FRAS1: variants seen among roughly 807,000 people sequenced by gnomAD.
FRAS1 encodes the protein extracellular matrix organizing protein FRAS1.
A neutral mutation model predicts 435.2 loss-of-function variants in FRAS1; 290 were observed. That is an observed-to-expected ratio of 0.67 (90% CI 0.61 to 0.73). FRAS1 has a LOEUF of 0.73. Among genes scored for constraint, FRAS1 ranks in the 30% least tolerant of loss-of-function variants. The pLI is 0.00. For synonymous variants in FRAS1, 1,800 were observed against 1,851.0 expected (o/e 0.97, Z 0.71); for missense variants, 4,860 against 5,001.5 (o/e 0.97, Z 0.85).
intron 20 of FRAS1, among the ~76,000 whole-genome samples, chr4:78,355,700 T>A (rs1302739704): frequency 6.6e-6 from 1 of 152,194 alleles, no homozygotes; most frequent in Admixed American, 6.6e-5. Context: ...AATTGCAGTC[T>A]GATACAAGTT....
intron 2 of FRAS1, among the ~76,000 whole-genome samples, chr4:78,187,715 T>C (rs950628801): frequency 6.6e-6 from 1 of 152,160 alleles, no homozygotes; most frequent in Admixed American, 6.5e-5. Flanking sequence ...GCGATTCTCC[T>C]GCCTCAGCCT....
At chr4:78,483,469 C>G (rs964383717) in intron 58 of FRAS1, among the ~76,000 whole-genome samples, 2 of 152,064 alleles carry the variant, frequency 1.3e-5, no homozygotes, top group African/African-American at 4.8e-5. Flanking sequence ...CCTAAAGCAG[C>G]AGGACCCTCA....
At chr4:78,510,936 TAG>T (rs1329034847) in intron 63 of FRAS1, among the ~76,000 whole-genome samples, 1 of 152,206 alleles carries the variant, frequency 6.6e-6, no homozygotes, top group Admixed American at 6.5e-5. Context: ...CCAGTCTTGC[TAG>T]AAGCCTGAAT....
chr4:78,134,015 A>G (rs1037613578), intron 2 of FRAS1, among the ~76,000 whole-genome samples: 5 of 144,918 alleles, frequency 3.5e-5, no homozygotes, highest in Non-Finnish European at 7.4e-5. Context: ...GCTGGTGTGC[A>G]GTGGCCTGAT....
In FRAS1 at chr4:78,150,784, A is replaced by G. The variant is rs146678301; in HGVS notation, c.108+84768A>G. ...AGTGTTTGCTACAGCCGAATGATTA[A>G]CTAGAACCCTGACACTGAACCCGTA... On this transcript the variant is annotated intron_variant, in intron 2 of 73. Coordinates refer to ENST00000512123, the MANE Select transcript of FRAS1 (RefSeq NM_025074.7). Among the ~76,000 whole-genome samples the G allele has an allele frequency of 2.9e-4, 44 of 152,314 alleles. 1 individual carries two copies. The East Asian group carries it at 8.3e-3, about 29-fold the overall frequency.
At chr4:78,091,140 C>A (rs1350950554) in intron 2 of FRAS1, among the ~76,000 whole-genome samples, 2 of 151,866 alleles carry the variant, frequency 1.3e-5, no homozygotes, top group African/African-American at 4.8e-5. Flanking sequence ...ACATTTCAAT[C>A]AGTTTAGATG....
intron 2 of FRAS1, among the ~76,000 whole-genome samples, chr4:78,196,077 G>A (rs773855488): frequency 2.4e-4 from 36 of 151,658 alleles, no homozygotes; most frequent in Middle Eastern, 3.4e-3. Flanking sequence ...GCAAGATCTC[G>A]GCTCATTGCA....
chr4:78,277,975 C>A (rs1364008032), intron 9 of FRAS1, among the ~76,000 whole-genome samples: 1 of 152,066 alleles, frequency 6.6e-6, no homozygotes, highest in Non-Finnish European at 1.5e-5. Flanking sequence ...CTGCCCCCAG[C>A]AAATTTTTTG....
chr4:78,448,273 C>T lies in FRAS1; in HGVS notation c.6231C>T (p.Asp2077=). ...MKIYTELPAS[D]TPHLAINQGL... is the part of the protein sequence containing the mutation. ...TCTACACAGAACTGCCTGCAAGTGA[C>T]ACACCTCACTTGGCTATAAACCAAG... The change falls in exon 44 of 74, where the codon GAC becomes GAT. Residue 2077 remains aspartate, a synonymous_variant. Transcript: ENST00000512123. The T allele has an allele frequency of 6.2e-7, 1 of 1,612,208 alleles. No homozygotes were observed. The highest frequency in any genetic ancestry group is 8.5e-7 in the Non-Finnish European group (1 of 1,179,414).
chr4:78,360,472 T>G (rs1000840111), intron 20 of FRAS1, among the ~76,000 whole-genome samples: 1 of 151,852 alleles, frequency 6.6e-6, no homozygotes, highest in Non-Finnish European at 1.5e-5. Flanking sequence ...AAAAGAGAGA[T>G]AGGGGAAAAC....
At chr4:78,440,123 C>T (rs900848354) in intron 40 of FRAS1, among the ~76,000 whole-genome samples, 11 of 150,412 alleles carry the variant, frequency 7.3e-5, no homozygotes, top group African/African-American at 2.2e-4. Flanking sequence ...CTCCGCTTCC[C>T]GGGTTCACGC....
At chr4:78,195,185 A>G (rs1208611620) in intron 2 of FRAS1, among the ~76,000 whole-genome samples, 3 of 152,130 alleles carry the variant, frequency 2.0e-5, no homozygotes, top group Non-Finnish European at 4.4e-5. Flanking sequence ...TGCCCCTACT[A>G]GGGGGTGCCT....
chr4:78,091,876 G>GTCTATATAGCACACACTACTATA (rs2109899996), intron 2 of FRAS1, among the ~76,000 whole-genome samples: 1 of 145,736 alleles, frequency 6.9e-6, no homozygotes, highest in Non-Finnish European at 1.5e-5. Context: ...ACTGGGTATA[G>GTCTATATAGCACACACTACTATA]TAGTATGTGC....
chr4:78,437,514 T>C lies in FRAS1; in HGVS notation c.5218-1056T>C, dbSNP rs150174023. On this transcript the variant is annotated intron_variant, in intron 38 of 73. Coordinates refer to ENST00000512123, the MANE Select transcript of FRAS1 (RefSeq NM_025074.7). ...TAGTGTCAAGTGATATGAGGAAATA[T>C]GGAAAATTCAGTGATCTTGAATTGA... 5.2e-3 allele frequency among the ~76,000 whole-genome samples: 793 copies of C among 152,332 alleles called. 11 individuals are homozygous for C. The highest frequency in any genetic ancestry group is 8.5e-3 in the Non-Finnish European group (579 of 68,020).
intron 2 of FRAS1, among the ~76,000 whole-genome samples, chr4:78,156,321 ATTT>A (rs572235027): frequency 6.9e-6 from 1 of 145,544 alleles, no homozygotes; most frequent in African/African-American, 2.5e-5. Context: ...GAAAGTCCTC[ATTT>A]TTTTTTTTTT....
intron 2 of FRAS1, among the ~76,000 whole-genome samples, chr4:78,088,743 C>T (rs10856998): frequency 0.67 from 101,686 of 151,792 alleles, 35,409 homozygotes; most frequent in East Asian, 0.88. Flanking sequence ...CATCTCACAC[C>T]AGTTAGAATG....
In FRAS1 at chr4:78,430,321, A is replaced by T; in HGVS notation, c.4873A>T (p.Thr1625Ser). The stretch of plus-strand genomic sequence containing the variant: ...TCAGGTGGTAGTAAGAGATGCTGAG[A>T]CAGCGCCCAAAGAACTCTTCTTTGA... ...GLQVVVRDAE[T>S]APKELFFELR... The change falls in exon 37 of 74, where the codon ACA becomes TCA. Residue 1625 changes from threonine (T) to serine (S), a missense_variant. Thr to Ser is a moderately conservative substitution (Grantham distance 58). Coordinates refer to ENST00000512123, the MANE Select transcript of FRAS1 (RefSeq NM_025074.7). 1 of 1,613,888 alleles carries T rather than the reference A, an allele frequency of 6.2e-7. No homozygotes were observed. The highest frequency in any genetic ancestry group is 8.5e-7 in the Non-Finnish European group (1 of 1,179,866).
intron 53 of FRAS1, 93 bp downstream of exon 53, chr4:78,473,690 C>T: frequency 3.5e-6 from 3 of 856,402 alleles, no homozygotes; most frequent in Middle Eastern, 2.8e-4. Context: ...CTCTAGTCAC[C>T]TCTTGATGGC....
chr4:78,239,066 A>G (rs1274690508), intron 3 of FRAS1, among the ~76,000 whole-genome samples: 2 of 152,272 alleles, frequency 1.3e-5, no homozygotes, highest in Non-Finnish European at 2.9e-5. Flanking sequence ...CTTGGCTGCA[A>G]CAATAGCATT....
Sources: allele counts gnomAD v4.1 joint callset (sites outside exome capture counted in the v4.1 genomes callset), GRCh38; gene constraint gnomAD v4.1.1; transcripts MANE v1.5; gene names NCBI Gene and HGNC (gene_info 2026-07-23, HGNC 2026-07-21).